P2RX4: variants seen among roughly 807,000 people sequenced by gnomAD.
P2RX4 encodes the protein purinergic receptor P2X 4, also known as P2X purinoceptor 4.
A neutral mutation model predicts 48.0 loss-of-function variants in P2RX4; 37 were observed. That is an observed-to-expected ratio of 0.77 (90% CI 0.59 to 1.01). The LOEUF (loss-of-function observed/expected upper bound fraction) is 1.01, where lower values mean the gene tolerates loss of function less well. P2RX4 is among the 50% of genes least tolerant of loss of function. P2RX4 has a pLI of 0.00. For missense variants in P2RX4, 501 were observed against 521.4 expected, an observed-to-expected ratio of 0.96 and a Z score of 0.38; for synonymous variants, 200 against 199.7, an observed-to-expected ratio of 1.00 and a Z score of -0.01.
Position 121,232,361 on chromosome 12 carries a change from G to C in P2RX4, c.885-53G>C, listed in dbSNP as rs1284582088. 5 of 1,251,274 alleles carry C rather than the reference G, an allele frequency of 4.0e-6. No individual in the cohort carries two copies. Among genetic ancestry groups the C allele is most frequent in the Non-Finnish European group, 5.9e-6 (5 of 851,826 alleles). 77.5% of individuals were successfully genotyped at this position (1,251,274 alleles called of 1,614,324 possible). ...CTCCACTCTAACGTTCTCTCACAGG[G>C]CCCAAGGTCCTGCCCCAGCCATCTC... On this transcript the variant is annotated intron_variant, in intron 8 of 11. Transcript: ENST00000337233. This position sits in a 1 kb window ranked among gnomAD's most constrained non-coding sequence, Gnocchi z 4.3.
Position 121,233,055 on chromosome 12 carries a change from G to C in P2RX4, c.1103G>C (p.Arg368Pro). 6.2e-7 allele frequency: 1 copy of C among 1,613,392 alleles called. No individual in the cohort carries two copies. Among genetic ancestry groups the C allele is most frequent in the South Asian group, 1.1e-5 (1 of 91,044 alleles). Reference sequence around the variant, plus strand: ...TGCATGAAGAAAAGACTCTACTATCGGGAGAAGAAATATAAATATGTGGAA... The same window carrying C: ...TGCATGAAGAAAAGACTCTACTATCCGGAGAAGAAATATAAATATGTGGAA... The part of the protein sequence containing the change: ...LYCMKKRLYY[R>P]EKKYKYVEDY... Residue 368 changes from arginine to proline, a missense_variant, in exon 11 of 12, where the codon CGG becomes CCG. Transcript: ENST00000337233.
rs139744085 is a variant in P2RX4, at chr12:121,232,439, G to C, written c.910G>C (p.Ala304Pro). Residue 304 changes from alanine (A) to proline (P), a missense_variant, in exon 9 of 12, where the codon GCT becomes CCT. Physicochemically the swap from Ala to Pro is conservative, Grantham distance 27. Transcript: ENST00000337233. The surrounding 1 kb of genome is among the most constrained non-coding windows in gnomAD (Gnocchi z 4.3). ...GTTTGCCAAGTACTACAGAGACCTG[G>C]CTGGCAACGAGCAGCGCACGCTCAT... is the stretch of plus-strand genomic sequence containing the variant. Reference protein sequence around the residue: ...FRFAKYYRDLAGNEQRTLIKA... With the variant: ...FRFAKYYRDLPGNEQRTLIKA... The C allele has an allele frequency of 1.9e-6, 3 of 1,613,854 alleles. No individual in the cohort carries two copies. In the African/African-American group the frequency reaches 4.0e-5, roughly 22 times the overall value.
chr12:121,215,387 C>T (rs937608639), intron 1 of P2RX4: 1 of 151,926 alleles, frequency 6.6e-6, no homozygotes, highest in Non-Finnish European at 1.5e-5. Context: ...GAGCCATGAA[C>T]CAAGACCTCT....
At chr12:121,231,050 C>T (rs1887326408) in intron 8 of P2RX4, among the ~76,000 whole-genome samples, 1 of 149,344 alleles carries the variant, frequency 6.7e-6, no homozygotes, top group Non-Finnish European at 1.5e-5. Context: ...TGCAGTGGTG[C>T]GATTTCAGCT....
intron 5 of P2RX4, 144 bp from the exon 6 acceptor site, chr12:121,228,382 AAAAATAT>A (rs1167743713): frequency 3.4e-4 from 66 of 195,476 alleles, no homozygotes; most frequent in African/African-American, 1.4e-3. Flanking sequence ...AAAAAAAAAA[AAAAATAT>A]ATATATATAT....
At position 121,232,985 on chromosome 12, in the gene P2RX4, T is replaced by C. The variant is rs757020348; in HGVS notation, c.1045-12T>C. On this transcript the variant is annotated splice_polypyrimidine_tract_variant and intron_variant, in intron 10 of 11. Transcript: ENST00000337233. The surrounding 1 kb of genome is among the most constrained non-coding windows in gnomAD (Gnocchi z 4.3). ...AGCATCCTGGCTCACTCTCACCCTA[T>C]GCTAAACTCAGGCGACCGTGCTGTG... 6.3e-6 allele frequency: 10 copies of C among 1,595,250 alleles called. No homozygotes were observed. Among genetic ancestry groups the C allele is most frequent in the Middle Eastern group, 1.7e-4 (1 of 6,020 alleles).
At chr12:121,219,607 GGATGGATGGATAGATAGATA>G (rs1379019263) in intron 2 of P2RX4, among the ~76,000 whole-genome samples, 3 of 119,268 alleles carry the variant, frequency 2.5e-5, no homozygotes, top group South Asian at 2.7e-4. Flanking sequence ...ATGGATGGAT[GGATGGATGGATAGATAGATA>G]GATAGATAGA....
In P2RX4 at chr12:121,233,507, G is replaced by A. The variant is rs910400342; in HGVS notation, c.1141-16G>A. On this transcript the variant is annotated splice_polypyrimidine_tract_variant and intron_variant, in intron 11 of 11. Transcript: ENST00000337233. ...GTCCCAGGGGCACCTTGATCTGCTT[G>A]TGTCCTTCTTTGCAGGGTCTTGCTA... 7.5e-6 allele frequency: 12 copies of A among 1,605,210 alleles called. No individual in the cohort carries two copies. The highest frequency in any genetic ancestry group is 1.6e-4 in the Middle Eastern group (1 of 6,078).
At chr12:121,228,405 TACACACACAC>T (rs750441530) in intron 5 of P2RX4, 118 bp from the exon 6 acceptor site, 1 of 225,640 alleles carries the variant, frequency 4.4e-6, no homozygotes, top group Non-Finnish European at 8.2e-6. Flanking sequence ...TATATATATA[TACACACACAC>T]ACACACAGAC....
chr12:121,221,884 G>T (rs1315665254), intron 2 of P2RX4, 29 bp from the exon 3 acceptor site: 1 of 1,607,604 alleles, frequency 6.2e-7, no homozygotes, highest in Non-Finnish European at 8.5e-7. Context: ...CTCTGAGCGT[G>T]GCTTGCCCGT....
intron 5 of P2RX4, among the ~76,000 whole-genome samples, chr12:121,223,713 G>C (rs61216528): frequency 6.6e-6 from 1 of 152,032 alleles, no homozygotes; most frequent in Admixed American, 6.6e-5. Flanking sequence ...CGTGCACAGC[G>C]GGGGGGCAGT....
Position 121,210,424 on chromosome 12 carries a change from C to T in P2RX4, c.134+126C>T, listed in dbSNP as rs1411543213. 9.5e-6 allele frequency: 9 copies of T among 946,318 alleles called. No individual in the cohort carries two copies. In the African/African-American group the frequency reaches 1.6e-4, roughly 16 times the overall value. The allele number at this position is 946,318 out of a possible 1,614,324, so 58.6% of individuals were successfully genotyped here. ...CGGCGAGCCGAGGCGGTGACACCTTCCCTGGGCCCCAGCCGCCGCGCCGGG... is the reference window on the plus strand; with the variant it reads ...CGGCGAGCCGAGGCGGTGACACCTTTCCTGGGCCCCAGCCGCCGCGCCGGG... On this transcript the variant is annotated intron_variant, in intron 1 of 11. Coordinates refer to ENST00000337233, the MANE Select transcript of P2RX4 (RefSeq NM_002560.3).
Position 121,222,144 on chromosome 12 carries a change from C to G in P2RX4, c.405C>G (p.Gly135=). The change falls in exon 4 of 12, where the codon GGC becomes GGG. Residue 135 remains glycine (G), a synonymous_variant. Coordinates refer to ENST00000337233, the MANE Select transcript of P2RX4 (RefSeq NM_002560.3). Reference sequence around the variant, plus strand: ...AATCAGATGCCAGCTGTACTGCCGGCTCTGCCGGCACCCACAGCAACGGTA... The same window carrying G: ...AATCAGATGCCAGCTGTACTGCCGGGTCTGCCGGCACCCACAGCAACGGTA... ...VCKSDASCTA[G]SAGTHSNGVS... 2 of 1,609,818 alleles carry G rather than the reference C, an allele frequency of 1.2e-6. No individual in the cohort carries two copies. The highest frequency in any genetic ancestry group is 1.7e-6 in the Non-Finnish European group (2 of 1,176,034).
rs1406173063 is a variant in P2RX4 at position 121,217,224 on chromosome 12, C to T, written c.225C>T (p.Asn75=). The T allele has an allele frequency of 6.8e-6, 11 of 1,614,116 alleles. No individual in the cohort carries two copies. The highest frequency in any genetic ancestry group is 5.5e-5 in the South Asian group (5 of 91,094). The stretch of plus-strand genomic sequence containing the variant: ...AGGTCAAGGGCGTGGCTGTGACCAA[C>T]ACTTCTAAACTTGGATTCCGGATCT... ...TTKVKGVAVT[N]TSKLGFRIWD... is the part of the protein sequence containing the mutation. The change falls in exon 2 of 12, where the codon AAC becomes AAT. Residue 75 remains asparagine, a synonymous_variant. Coordinates refer to ENST00000337233, the MANE Select transcript of P2RX4 (RefSeq NM_002560.3).
chr12:121,228,830 G>A lies in P2RX4; in HGVS notation c.711G>A (p.Glu237=). 6.2e-7 allele frequency: 1 copy of A among 1,614,156 alleles called. No homozygotes were observed. ...TATTCCGTCTTGGCAAAATAGTGGA[G>A]AACGCAGGACACAGTTTCCAGGACA... is the stretch of plus-strand genomic sequence containing the variant. ...CPIFRLGKIV[E]NAGHSFQDMA... The change falls in exon 7 of 12, where the codon GAG becomes GAA. Residue 237 remains glutamate, a synonymous_variant. Coordinates refer to ENST00000337233, the MANE Select transcript of P2RX4 (RefSeq NM_002560.3).
At chr12:121,212,820 A>ATTTTTTTTTTTTTT (rs1268523637) in intron 1 of P2RX4, 1 of 42,770 alleles carries the variant, frequency 2.3e-5, no homozygotes, top group African/African-American at 1.2e-4. Flanking sequence ...ATATATATAT[A>ATTTTTTTTTTTTTT]TATATTTTTT....
chr12:121,224,998 A>G (rs1886887276), intron 5 of P2RX4, among the ~76,000 whole-genome samples: 1 of 152,112 alleles, frequency 6.6e-6, no homozygotes, highest in South Asian at 2.1e-4. Flanking sequence ...ACGCGTGGCT[A>G]TTGAAAATTG....
At chr12:121,214,618 G>T (rs887336175) in intron 1 of P2RX4, 1 of 152,164 alleles carries the variant, frequency 6.6e-6, no homozygotes, top group Admixed American at 6.6e-5. Context: ...CCAAGCTTTT[G>T]TGTGTCAGAC....
chr12:121,222,398 G>GTTTTTTTTTTTTTTTTGTTTTTTTTTT, intron 4 of P2RX4: 1 of 425,548 alleles, frequency 2.3e-6, no homozygotes, highest in Non-Finnish European at 4.2e-6. Flanking sequence ...GTTTTTTCTT[G>GTTTTTTTTTTTTTTTTGTTTTTTTTTT]TTTTTTTTTT....
Sources: allele counts gnomAD v4.1 joint callset (sites outside exome capture counted in the v4.1 genomes callset), GRCh38; gene constraint gnomAD v4.1.1; non-coding constraint Gnocchi (gnomAD v3.1); transcripts MANE v1.5; gene names NCBI Gene and HGNC (gene_info 2026-07-23, HGNC 2026-07-21).